PLXNC1: variants seen among roughly 807,000 people sequenced by gnomAD.
PLXNC1 encodes the protein plexin-C1.
PLXNC1 carries 75 observed loss-of-function variants against 178.2 expected under a neutral mutation model. That is an observed-to-expected ratio of 0.42 (90% CI 0.35 to 0.51). The LOEUF (loss-of-function observed/expected upper bound fraction) is 0.51, where lower values mean the gene tolerates loss of function less well. PLXNC1 is among the 20% of genes least tolerant of loss of function. The probability of loss-of-function intolerance (pLI) is 0.02; values close to 1 mark genes in which losing one functional copy is unlikely to be tolerated. For missense variants in PLXNC1, 1,503 were observed against 1,984.4 expected, an observed-to-expected ratio of 0.76 and a Z score of 4.61; for synonymous variants, 790 against 779.9, an observed-to-expected ratio of 1.01 and a Z score of -0.22.
intron 23 of PLXNC1, among the ~76,000 whole-genome samples, chr12:94,293,431 A>G (rs188667115): frequency 2.7e-4 from 41 of 152,340 alleles, no homozygotes; most frequent in Admixed American, 1.1e-3. Context: ...TCGGGCTGCT[A>G]TAACAGAATA....
At chr12:94,193,401 A>G (rs1387253269) in intron 4 of PLXNC1, among the ~76,000 whole-genome samples, 1 of 152,170 alleles carries the variant, frequency 6.6e-6, no homozygotes, top group African/African-American at 2.4e-5. Flanking sequence ...TTAGAGAGCT[A>G]TTTAGAAGAT....
chr12:94,279,239 T>C (rs1966240312), intron 21 of PLXNC1, among the ~76,000 whole-genome samples: 1 of 152,254 alleles, frequency 6.6e-6, no homozygotes, highest in South Asian at 2.1e-4. Flanking sequence ...CTCTCAGATA[T>C]ATTTATTCAA....
At chr12:94,161,098 A>C (rs1375216810) in intron 1 of PLXNC1, among the ~76,000 whole-genome samples, 1 of 151,832 alleles carries the variant, frequency 6.6e-6, no homozygotes, top group Non-Finnish European at 1.5e-5. Flanking sequence ...TTTTTTTTTC[A>C]TCCAGTTTCA....
At chr12:94,186,797 G>C (rs1461114130) in intron 4 of PLXNC1, 10 of 250,488 alleles carry the variant, frequency 4.0e-5, no homozygotes, top group Non-Finnish European at 7.2e-5. Flanking sequence ...AGGCAAAAGG[G>C]CCCCCCCTCC....
chr12:94,155,428 G>A (rs544661156), intron 1 of PLXNC1, among the ~76,000 whole-genome samples: 1 of 152,208 alleles, frequency 6.6e-6, no homozygotes, highest in Non-Finnish European at 1.5e-5. Flanking sequence ...TTGAAGTCAT[G>A]CTTAGGTTTA....
At chr12:94,181,628 T>C (rs1962310317) in intron 3 of PLXNC1, 48 bp downstream of exon 3, 2 of 1,485,604 alleles carry the variant, frequency 1.3e-6, no homozygotes, top group South Asian at 1.2e-5. Flanking sequence ...ATAAAAATGG[T>C]TTAATTGATG....
chr12:94,184,610 A>G (rs1208031431), intron 3 of PLXNC1, among the ~76,000 whole-genome samples: 1 of 151,948 alleles, frequency 6.6e-6, no homozygotes, highest in African/African-American at 2.4e-5. Context: ...TTTAGTAGAG[A>G]CAGAGTTGGC....
intron 3 of PLXNC1, 132 bp from the exon 4 acceptor site, chr12:94,186,241 C>T: frequency 3.1e-6 from 2 of 638,074 alleles, no homozygotes; most frequent in South Asian, 3.4e-5. Flanking sequence ...GACCCACTGC[C>T]CAGTGCCAGT....
intron 4 of PLXNC1, among the ~76,000 whole-genome samples, chr12:94,196,784 C>T (rs552014072): frequency 3.3e-5 from 5 of 152,316 alleles, no homozygotes; most frequent in East Asian, 1.9e-4. Flanking sequence ...CTACCTTGCA[C>T]GTTCTGTGCC....
intron 12 of PLXNC1, among the ~76,000 whole-genome samples, chr12:94,245,478 C>T (rs990764487): frequency 6.6e-6 from 1 of 151,366 alleles, no homozygotes; most frequent in Admixed American, 6.6e-5. Flanking sequence ...GCCAGGAGTT[C>T]GAGACCAGCC....
intron 23 of PLXNC1, among the ~76,000 whole-genome samples, chr12:94,288,559 G>A (rs570070867): frequency 6.6e-6 from 1 of 152,324 alleles, no homozygotes; most frequent in African/African-American, 2.4e-5. Flanking sequence ...CATCCTGTAA[G>A]CCCTCCCCTG....
chr12:94,180,017 C>A (rs1341782902), intron 2 of PLXNC1, among the ~76,000 whole-genome samples: 1 of 152,150 alleles, frequency 6.6e-6, no homozygotes, highest in African/African-American at 2.4e-5. Context: ...CATTATACTT[C>A]TCTAGCACTA....
intron 2 of PLXNC1, among the ~76,000 whole-genome samples, chr12:94,175,565 A>T (rs1962021135): frequency 1.3e-5 from 2 of 152,214 alleles, no homozygotes; most frequent in Admixed American, 1.3e-4. Flanking sequence ...AAGGCTCGTT[A>T]ATAGTCTACC....
chr12:94,177,619 A>G (rs1436185361), intron 2 of PLXNC1, among the ~76,000 whole-genome samples: 3 of 151,982 alleles, frequency 2.0e-5, no homozygotes, highest in Non-Finnish European at 2.9e-5. Flanking sequence ...AGGAGAGGAG[A>G]AAGGAAAGGA....
intron 16 of PLXNC1, 103 bp downstream of exon 16, chr12:94,254,991 T>C (rs998814914): frequency 1.3e-5 from 14 of 1,051,914 alleles, no homozygotes; most frequent in Non-Finnish European, 2.0e-5. Context: ...GAACTGTTTG[T>C]ATAATAGAAG....
Position 94,164,661 on chromosome 12 carries a change from G to GCACACA in PLXNC1, c.1063-4452_1063-4447dup, listed in dbSNP as rs3060912. ...CCTCATGATATGCCCATGACTCCCTGCACACACACACACACACACACACAC... is the reference window on the plus strand; with the variant it reads ...CCTCATGATATGCCCATGACTCCCTGCACACACACACACACACACACACACACACAC... On this transcript the variant is annotated intron_variant, in intron 1 of 30. Transcript: ENST00000258526. Among the ~76,000 whole-genome samples, 596 of 148,804 alleles carry GCACACA rather than the reference G, an allele frequency of 4.0e-3. 5 individuals are homozygous for GCACACA. The highest frequency in any genetic ancestry group is 0.014 in the African/African-American group (569 of 40,246).
intron 4 of PLXNC1, among the ~76,000 whole-genome samples, chr12:94,207,260 T>C (rs1963328709): frequency 6.6e-6 from 1 of 152,146 alleles, no homozygotes; most frequent in Non-Finnish European, 1.5e-5. Context: ...AAGGAATTTA[T>C]GTTTAGTTGC....
chr12:94,255,807 T>A (rs1449156866), intron 17 of PLXNC1: 1 of 160,300 alleles, frequency 6.2e-6, no homozygotes, highest in Middle Eastern at 3.1e-3. Context: ...GTAGAGTTCT[T>A]ATGGTTCTCT....
At position 94,305,502 on chromosome 12, in the gene PLXNC1, T is replaced by C. The variant is rs1968914208; in HGVS notation, c.*217T>C. The C allele has an allele frequency of 2.1e-6, 1 of 469,740 alleles. No homozygotes were observed. The highest frequency in any genetic ancestry group is 3.8e-6 in the Non-Finnish European group (1 of 263,144). The allele number at this position is 469,740 out of a possible 1,614,324, so 29.1% of individuals were successfully genotyped here. Reference sequence around the variant, plus strand: ...CGTGGGAACCCTTCTGTAAATAGAGTTGAAGTGGTTGTTGCAAACAGCCTC... The same window carrying C: ...CGTGGGAACCCTTCTGTAAATAGAGCTGAAGTGGTTGTTGCAAACAGCCTC... On this transcript the variant is annotated 3_prime_UTR_variant, in exon 31 of 31. Transcript: ENST00000258526.
Sources: allele counts gnomAD v4.1 joint callset (sites outside exome capture counted in the v4.1 genomes callset), GRCh38; gene constraint gnomAD v4.1.1; transcripts MANE v1.5; gene names NCBI Gene and HGNC (gene_info 2026-07-23, HGNC 2026-07-21).